The following CACHD1 variants were observed in gnomAD, a reference collection of about 807,000 sequenced individuals.
The protein encoded by CACHD1 is cache domain containing 1, also known as VWFA and cache domain-containing protein 1.
CACHD1 carries 71 observed loss-of-function variants against 138.7 expected under a neutral mutation model. The ratio of observed to expected loss-of-function variants is 0.51; its 90% CI spans 0.42 to 0.62. CACHD1 has a LOEUF of 0.62. Ranked by LOEUF, CACHD1 falls within the 20% of genes least tolerant of loss-of-function variation. The probability of loss-of-function intolerance (pLI) is 0.00; values close to 1 mark genes in which losing one functional copy is unlikely to be tolerated. For missense variants in CACHD1, 1,389 were observed against 1,625.3 expected (o/e 0.85, Z 2.50); for synonymous variants, 578 against 591.5 (o/e 0.98, Z 0.33).
chr1:64,634,162 G>A lies in CACHD1; in HGVS notation c.908G>A (p.Ser303Asn). Residue 303 changes from serine to asparagine, a missense_variant, in exon 7 of 27, where the codon AGC becomes AAC. This residue lies in a region of CACHD1 where 1,000 missense variants were observed against 1,114.7 expected (regional missense o/e 0.90). Transcript: ENST00000651257. ...AGGAAAATGTCCACCTTTGTTAGCA[G>A]CGTGAAGTCTTCAGACAGTCCTACC... ...TKRKMSTFVS[S>N]VKSSDSPTQH... The A allele has an allele frequency of 2.5e-6, 4 of 1,613,880 alleles. No individual in the cohort carries two copies. Among genetic ancestry groups the A allele is most frequent in the Non-Finnish European group, 3.4e-6 (4 of 1,179,964 alleles).
At chr1:64,517,695 G>A (rs1246695320) in intron 1 of CACHD1, among the ~76,000 whole-genome samples, 1 of 152,160 alleles carries the variant, frequency 6.6e-6, no homozygotes. Context: ...ATCTTGAGCT[G>A]AGGAATGACG....
At chr1:64,598,124 C>T (rs1005599508) in intron 3 of CACHD1, among the ~76,000 whole-genome samples, 2 of 152,110 alleles carry the variant, frequency 1.3e-5, no homozygotes, top group Non-Finnish European at 1.5e-5. Context: ...CCAGAAAAAG[C>T]GGCAGGCATT....
chr1:64,663,591 A>G (rs1649522630), intron 13 of CACHD1, 104 bp from the exon 14 acceptor site: 9 of 1,354,776 alleles, frequency 6.6e-6, no homozygotes, highest in Non-Finnish European at 8.1e-6. Context: ...AAAAGACATT[A>G]AGCCACCATA....
At chr1:64,555,377 C>T (rs1646789839) in intron 2 of CACHD1, among the ~76,000 whole-genome samples, 1 of 152,134 alleles carries the variant, frequency 6.6e-6, no homozygotes, top group Non-Finnish European at 1.5e-5. Flanking sequence ...TTCTCCTATA[C>T]TGCCTTCTAA....
intron 7 of CACHD1, among the ~76,000 whole-genome samples, chr1:64,639,633 T>TCA (rs1648638803): frequency 6.6e-6 from 1 of 152,234 alleles, no homozygotes; most frequent in Admixed American, 6.5e-5. Flanking sequence ...CATTCATATA[T>TCA]TATAAGTTAA....
intron 7 of CACHD1, among the ~76,000 whole-genome samples, chr1:64,635,296 T>C (rs1557531023): frequency 1.3e-5 from 2 of 152,108 alleles, no homozygotes; most frequent in Non-Finnish European, 2.9e-5. Flanking sequence ...GCAGCAGGAA[T>C]TCTTGCCTTG....
chr1:64,586,481 C>T (rs1647052532), intron 3 of CACHD1, among the ~76,000 whole-genome samples: 1 of 152,020 alleles, frequency 6.6e-6, no homozygotes, highest in South Asian at 2.1e-4. Context: ...TCTTTTGAAG[C>T]AGTCTAAGGA....
In CACHD1 at chr1:64,629,444, A is replaced by G. The variant is rs1201659346; in HGVS notation, c.607A>G (p.Lys203Glu). The G allele has an allele frequency of 7.4e-6, 12 of 1,614,020 alleles. No homozygotes were observed. The Admixed American group carries it at 1.7e-4, about 22-fold the overall frequency. ...EGIFTVFPAH[K>E]FRCKGSYEHR... is the part of the protein sequence containing the mutation. ...AATTTTCACTGTTTTCCCAGCACAC[A>G]AGTTCCGGTGTAAGGGCAGCTACGA... The change falls in exon 5 of 27, where the codon AAG becomes GAG. Residue 203 changes from lysine (K) to glutamate (E), a missense_variant. Lys to Glu is a moderately conservative substitution (Grantham distance 56, BLOSUM62 1). Transcript: ENST00000651257.
rs1310176516 is a variant in CACHD1 at position 64,564,144 on chromosome 1, ACG to A, written c.261+13489_261+13490del. On this transcript the variant is annotated intron_variant, in intron 2 of 26. Transcript: ENST00000651257. ...CTGAGCTCCTCTTATCTGTCTAAAG[ACG>A]GATCCTCCGAAAGGAACTCAATTGT... 5.3e-5 allele frequency among the ~76,000 whole-genome samples: 8 copies of A among 152,242 alleles called. No homozygotes were observed. In the South Asian group the frequency reaches 1.5e-3, roughly 28 times the overall value.
At chr1:64,682,243 C>T (rs1288344952) in intron 26 of CACHD1, 137 bp downstream of exon 26, 2 of 719,538 alleles carry the variant, frequency 2.8e-6, no homozygotes, top group Non-Finnish European at 4.8e-6. Context: ...AGCCCGAGGA[C>T]AGTTTTACTT....
intron 1 of CACHD1, among the ~76,000 whole-genome samples, chr1:64,536,817 C>G (rs1487833200): frequency 6.6e-6 from 1 of 152,138 alleles, no homozygotes; most frequent in African/African-American, 2.4e-5. Context: ...AACAGTATAC[C>G]AGATGCTGTC....
chr1:64,496,863 CAAA>C (rs35934967), intron 1 of CACHD1, among the ~76,000 whole-genome samples: 6 of 85,326 alleles, frequency 7.0e-5, no homozygotes, highest in Non-Finnish European at 7.6e-5. Context: ...GAAGTTGTCT[CAAA>C]AAAAAAAAAA....
At chr1:64,616,223 A>G (rs1647702937) in intron 4 of CACHD1, among the ~76,000 whole-genome samples, 3 of 152,160 alleles carry the variant, frequency 2.0e-5, no homozygotes, top group South Asian at 4.1e-4. Context: ...TCATTTTACT[A>G]GTTACCTAAT....
Position 64,632,666 on chromosome 1 carries a change from T to G in CACHD1, c.712T>G (p.Ser238Ala), listed in dbSNP as rs770531020. Residue 238 changes from serine (S) to alanine (A), a missense_variant, in exon 6 of 27, where the codon TCA becomes GCA. Physicochemically the swap from Ser to Ala is moderately conservative, Grantham distance 99. This residue lies in a region of CACHD1 where 1,000 missense variants were observed against 1,114.7 expected (regional missense o/e 0.90). Coordinates refer to ENST00000651257, the MANE Select transcript of CACHD1 (RefSeq NM_020925.4). ...HIVVILDHGA[S>A]VTDTQLQIAK... The stretch of plus-strand genomic sequence containing the variant: ...AGTAGTGATTCTGGACCACGGGGCT[T>G]CAGTCACAGACACTCAGCTTCAGAT... The G allele has an allele frequency of 2.5e-6, 4 of 1,614,036 alleles. No individual in the cohort carries two copies. In the East Asian group the frequency reaches 8.9e-5, roughly 36 times the overall value.
rs1196810948 is a variant in CACHD1, at chr1:64,477,759, C to T, written c.198+6817C>T. On this transcript the variant is annotated intron_variant, in intron 1 of 26. Coordinates refer to ENST00000651257, the MANE Select transcript of CACHD1 (RefSeq NM_020925.4). ...ATGCCATTCTCCTGCCTCAGCCTCC[C>T]GAGTAGCTGGGACTACAGGCGCCTG... 1.1e-4 allele frequency among the ~76,000 whole-genome samples: 16 copies of T among 151,454 alleles called. No homozygotes were observed. In the East Asian group the frequency reaches 1.9e-3, roughly 18 times the overall value.
At chr1:64,656,436 A>G (rs754824216) in intron 12 of CACHD1, among the ~76,000 whole-genome samples, 3 of 152,190 alleles carry the variant, frequency 2.0e-5, no homozygotes, top group Non-Finnish European at 4.4e-5. Context: ...AAAATTCTCA[A>G]TTAGAAAACA....
Position 64,675,990 on chromosome 1 carries a change from T to A in CACHD1, c.2975+7T>A. ...TCACCAATGCAGAGAACCGGTAAAA[T>A]AATTAATAATAATAATAATAATAAT... On this transcript the variant is annotated splice_region_variant and intron_variant, in intron 21 of 26. Coordinates refer to ENST00000651257, the MANE Select transcript of CACHD1 (RefSeq NM_020925.4). 1 of 702,136 alleles carries A rather than the reference T, an allele frequency of 1.4e-6. No individual in the cohort carries two copies. The highest frequency in any genetic ancestry group is 2.0e-6 in the Non-Finnish European group (1 of 501,708). The allele number at this position is 702,136 out of a possible 1,614,324, so 43.5% of individuals were successfully genotyped here.
intron 3 of CACHD1, among the ~76,000 whole-genome samples, chr1:64,583,080 T>C (rs1647024671): frequency 6.6e-6 from 1 of 152,250 alleles, no homozygotes; most frequent in Non-Finnish European, 1.5e-5. Flanking sequence ...TAGTATTTAT[T>C]ATTCCTCTCT....
At position 64,653,815 on chromosome 1, in the gene CACHD1, T is replaced by G; in HGVS notation, c.1598T>G (p.Leu533Arg). ...CCATATTTATTGTCAGAGCCCCCAC[T>G]TCATACTGACATCATACATTATGAA... The part of the protein sequence containing the change: ...TRPYLLSEPP[L>R]HTDIIHYENI... Residue 533 changes from leucine (L) to arginine (R), a missense_variant, in exon 11 of 27, where the codon CTT (leucine) becomes CGT (arginine). Physicochemically the swap from Leu to Arg is moderately radical, Grantham distance 102. This residue lies in a region of CACHD1 where 1,000 missense variants were observed against 1,114.7 expected (regional missense o/e 0.90). Transcript: ENST00000651257. 6.2e-7 allele frequency: 1 copy of G among 1,612,584 alleles called. No individual in the cohort carries two copies. The highest frequency in any genetic ancestry group is 1.7e-4 in the Middle Eastern group (1 of 6,058).
Sources: gnomAD v4.1 joint callset for allele counts (sites outside exome capture counted in the v4.1 genomes callset) on GRCh38, gnomAD v4.1.1 for gene constraint, gnomAD v4.1.1 regional missense constraint, MANE v1.5 for transcripts, NCBI Gene and HGNC (gene_info 2026-07-23, HGNC 2026-07-21) for gene names.